The following TRAPPC9 variants were observed in gnomAD, a reference collection of about 807,000 sequenced individuals.
The protein encoded by TRAPPC9 is trafficking protein particle complex subunit 9.
A neutral mutation model predicts 124.0 loss-of-function variants in TRAPPC9; 83 were observed. That is an observed-to-expected ratio of 0.67 (90% CI 0.56 to 0.80). TRAPPC9 has a LOEUF of 0.80. TRAPPC9 is among the 30% of genes least tolerant of loss of function. TRAPPC9 has a pLI of 0.00. For missense variants in TRAPPC9, 1,302 were observed against 1,508.3 expected, an observed-to-expected ratio of 0.86 and a Z score of 2.27; for synonymous variants, 638 against 617.5, an observed-to-expected ratio of 1.03 and a Z score of -0.49.
intron 17 of TRAPPC9, among the ~76,000 whole-genome samples, chr8:140,049,750 C>T (rs536397161): frequency 7.2e-5 from 11 of 152,260 alleles, no homozygotes; most frequent in African/African-American, 2.6e-4. Flanking sequence ...CCTTCCTGAG[C>T]GTCTGTATCC....
chr8:140,283,472 T>A (rs1294105049), intron 14 of TRAPPC9, among the ~76,000 whole-genome samples: 4 of 150,524 alleles, frequency 2.7e-5, no homozygotes, highest in Admixed American at 6.6e-5. Flanking sequence ...TTTTTTTTTT[T>A]ATTTTTAGTA....
intron 16 of TRAPPC9, among the ~76,000 whole-genome samples, chr8:140,237,613 G>A (rs1337576918): frequency 6.6e-6 from 1 of 151,986 alleles, no homozygotes; most frequent in Non-Finnish European, 1.5e-5. Flanking sequence ...GTAAATATGA[G>A]AGCACGGTGC....
intron 17 of TRAPPC9, among the ~76,000 whole-genome samples, chr8:140,218,815 C>T (rs950786440): frequency 2.0e-5 from 3 of 152,060 alleles, no homozygotes; most frequent in Non-Finnish European, 2.9e-5. Context: ...TAAAAATTAG[C>T]CGGGTGTGGT....
chr8:140,297,320 A>G (rs1588114433), intron 11 of TRAPPC9, among the ~76,000 whole-genome samples: 1 of 152,132 alleles, frequency 6.6e-6, no homozygotes, highest in East Asian at 1.9e-4. Context: ...ACACACATGC[A>G]TGCACACACT....
At chr8:140,175,695 A>C (rs924532357) in intron 17 of TRAPPC9, among the ~76,000 whole-genome samples, 5 of 152,190 alleles carry the variant, frequency 3.3e-5, no homozygotes, top group African/African-American at 1.2e-4. Flanking sequence ...CATTGAACAG[A>C]ATATTTAAAC....
chr8:139,978,412 A>T (rs1475958477), intron 19 of TRAPPC9, among the ~76,000 whole-genome samples: 1 of 152,232 alleles, frequency 6.6e-6, no homozygotes, highest in Non-Finnish European at 1.5e-5. Context: ...ATAATGAGGA[A>T]CTGTTCATTG....
chr8:140,113,803 G>C (rs915878896), intron 17 of TRAPPC9, among the ~76,000 whole-genome samples: 2 of 152,172 alleles, frequency 1.3e-5, no homozygotes, highest in African/African-American at 4.8e-5. Context: ...CTTGATGACT[G>C]GTGCACATAC....
chr8:140,091,588 A>G (rs1395546960), intron 17 of TRAPPC9, among the ~76,000 whole-genome samples: 3 of 152,220 alleles, frequency 2.0e-5, no homozygotes. Flanking sequence ...TTGGAAGATG[A>G]GGGAAAACCT....
chr8:139,750,491 G>A (rs1395331553), intron 21 of TRAPPC9, among the ~76,000 whole-genome samples: 1 of 152,198 alleles, frequency 6.6e-6, no homozygotes, highest in Non-Finnish European at 1.5e-5. Context: ...CTTAGGGCCA[G>A]GCAGCACCCC....
intron 22 of TRAPPC9, 24 bp from the exon 23 acceptor site, chr8:139,731,252 A>G: frequency 6.2e-7 from 1 of 1,612,028 alleles, no homozygotes; most frequent in Non-Finnish European, 8.5e-7. Context: ...AGAAAGACAC[A>G]TCAGTCTGGT....
In TRAPPC9 at chr8:140,334,649, C is replaced by CTAAATAAA. The variant is rs61689098; in HGVS notation, c.1496-23283_1496-23276dup. On this transcript the variant is annotated intron_variant, in intron 9 of 22. Transcript: ENST00000438773. ...TGGGCGACAGAGCGAGACTCTGTCA[C>CTAAATAAA]TAAATAAATAAATAAATAAATAAAT... 5.3e-3 allele frequency among the ~76,000 whole-genome samples: 772 copies of CTAAATAAA among 146,026 alleles called. 3 individuals are homozygous for CTAAATAAA. Among genetic ancestry groups the CTAAATAAA allele is most frequent in the Middle Eastern group, 7.0e-3 (2 of 286 alleles).
At chr8:139,977,348 G>A (rs372848869) in intron 19 of TRAPPC9, among the ~76,000 whole-genome samples, 1 of 152,010 alleles carries the variant, frequency 6.6e-6, no homozygotes, top group African/African-American at 2.4e-5. Flanking sequence ...GAGGCCAGGC[G>A]TGGTGGCTCA....
intron 21 of TRAPPC9, among the ~76,000 whole-genome samples, chr8:139,831,016 A>C (rs10108609): frequency 0.37 from 56,609 of 152,206 alleles, 15,592 homozygotes; most frequent in African/African-American, 0.77. Context: ...GCACTTGGCA[A>C]TCACAGCGAC....
At chr8:139,738,487 G>C (rs145897567) in intron 21 of TRAPPC9, among the ~76,000 whole-genome samples, 80 of 152,316 alleles carry the variant, frequency 5.3e-4, no homozygotes, top group African/African-American at 1.9e-3. Context: ...CGTCAGGAGA[G>C]TCCTTACAAG....
chr8:139,752,895 C>G (rs1353107703), intron 21 of TRAPPC9, among the ~76,000 whole-genome samples: 1 of 151,396 alleles, frequency 6.6e-6, no homozygotes, highest in Non-Finnish European at 1.5e-5. Context: ...ATCCATCCAT[C>G]CACCCATCTA....
At chr8:140,065,236 A>G (rs1035460353) in intron 17 of TRAPPC9, among the ~76,000 whole-genome samples, 2 of 152,246 alleles carry the variant, frequency 1.3e-5, no homozygotes, top group Non-Finnish European at 2.9e-5. Context: ...CTGCAAAAGA[A>G]AAGTCTGAAG....
At chr8:140,268,806 G>A (rs2064778106) in intron 15 of TRAPPC9, among the ~76,000 whole-genome samples, 2 of 152,166 alleles carry the variant, frequency 1.3e-5, no homozygotes, top group South Asian at 2.1e-4. Flanking sequence ...CATGACGGGT[G>A]ACTACACTTG....
At chr8:139,926,623 A>C (rs1012607705) in intron 19 of TRAPPC9, among the ~76,000 whole-genome samples, 2 of 150,480 alleles carry the variant, frequency 1.3e-5, no homozygotes, top group African/African-American at 4.9e-5. Flanking sequence ...AAAAAAAAAA[A>C]CTCCTGAATA....
At chr8:139,743,317 T>C (rs1353195118) in intron 21 of TRAPPC9, among the ~76,000 whole-genome samples, 1 of 152,206 alleles carries the variant, frequency 6.6e-6, no homozygotes, top group Non-Finnish European at 1.5e-5. Flanking sequence ...AACTCTACTC[T>C]CCAACCTTTT....
Sources: allele counts gnomAD v4.1 joint callset (sites outside exome capture counted in the v4.1 genomes callset), GRCh38; gene constraint gnomAD v4.1.1; transcripts MANE v1.5; gene names NCBI Gene and HGNC (gene_info 2026-07-23, HGNC 2026-07-21).